COL12A1: variants seen among roughly 807,000 people sequenced by gnomAD.
The protein encoded by COL12A1 is collagen type XII alpha 1 chain.
Under a neutral mutation model 349.7 loss-of-function variants are expected in COL12A1, and 114 were observed. That is an observed-to-expected ratio of 0.33 (90% CI 0.28 to 0.38). COL12A1 has a LOEUF of 0.38. Among genes scored for constraint, COL12A1 ranks in the 10% least tolerant of loss-of-function variants. The probability of loss-of-function intolerance (pLI) is 1.00; values close to 1 mark genes in which losing one functional copy is unlikely to be tolerated. For synonymous variants in COL12A1, 1,369 were observed against 1,329.0 expected (o/e 1.03, Z -0.66); for missense variants, 3,284 against 3,756.9 (o/e 0.87, Z 3.29).
chr6:75,188,025 T>TAATTAAAGCAAGGTAATTAAA (rs1769725766), intron 8 of COL12A1, among the ~76,000 whole-genome samples: 1 of 152,008 alleles, frequency 6.6e-6, no homozygotes, highest in African/African-American at 2.4e-5. Context: ...TAAATCAGAG[T>TAATTAAAGCAAGGTAATTAAA]GCAAGGTAAT....
intron 47 of COL12A1, among the ~76,000 whole-genome samples, chr6:75,116,831 C>A (rs1769107434): frequency 6.6e-6 from 1 of 152,060 alleles, no homozygotes; most frequent in Admixed American, 6.6e-5. Flanking sequence ...CCTCCATAAC[C>A]TATACCCCAA....
chr6:75,116,155 G>C, intron 47 of COL12A1, 98 bp from the exon 48 acceptor site: 1 of 1,134,154 alleles, frequency 8.8e-7, no homozygotes. Context: ...AGTAATAAAT[G>C]ACATTGTTCA....
intron 13 of COL12A1, 143 bp downstream of exon 13, chr6:75,174,895 T>C: frequency 2.1e-6 from 2 of 956,128 alleles, no homozygotes; most frequent in South Asian, 3.4e-5. Flanking sequence ...GAGAGCTTTA[T>C]GGTTATTTGT....
At chr6:75,129,302 G>A (rs1766181021) in intron 37 of COL12A1, among the ~76,000 whole-genome samples, 1 of 152,184 alleles carries the variant, frequency 6.6e-6, no homozygotes, top group Non-Finnish European at 1.5e-5. Context: ...TCAAGTTCCA[G>A]TAGATGAAAT....
In COL12A1 at chr6:75,183,152, A is replaced by G. The variant is rs986123579; in HGVS notation, c.1789T>C (p.Phe597Leu). The G allele has an allele frequency of 6.2e-7, 1 of 1,614,170 alleles. No individual in the cohort carries two copies. The highest frequency in any genetic ancestry group is 8.5e-7 in the Non-Finnish European group (1 of 1,180,026). ...AAAGCATCAAAATCTTCCACTGTGA[A>G]CACATGGGTCTCTGCAGGAGGAGAG... ...IASPPAETHV[F>L]TVEDFDAFQR... Residue 597 changes from phenylalanine to leucine, a missense_variant, in exon 10 of 66, where the codon TTC becomes CTC. Around this residue, in one of 2 missense-constraint regions of COL12A1, gnomAD observed 2,601 missense variants for 2,824.8 expected, o/e 0.92. Transcript: ENST00000322507.
intron 53 of COL12A1, 40 bp from the exon 54 acceptor site, chr6:75,105,332 G>A: frequency 6.6e-7 from 1 of 1,518,778 alleles, no homozygotes; most frequent in Non-Finnish European, 9.1e-7. Flanking sequence ...AAATTTAGAG[G>A]AAAAAAATGA....
intron 32 of COL12A1, among the ~76,000 whole-genome samples, chr6:75,134,251 AG>A (rs1011023556): frequency 3.9e-5 from 6 of 152,266 alleles, no homozygotes; most frequent in African/African-American, 1.4e-4. Context: ...AACAGAGACA[AG>A]TAATTCCAAG....
chr6:75,172,248 C>G (rs1768675549), intron 13 of COL12A1, among the ~76,000 whole-genome samples: 1 of 152,068 alleles, frequency 6.6e-6, no homozygotes, highest in South Asian at 2.1e-4. Flanking sequence ...AAAATCACAG[C>G]CTAGTAGAAT....
intron 19 of COL12A1, 21 bp from the exon 20 acceptor site, chr6:75,152,052 G>A: frequency 6.2e-7 from 1 of 1,613,744 alleles, no homozygotes; most frequent in South Asian, 1.1e-5. Context: ...TTTTAAAAGA[G>A]AATCAGTCAC....
chr6:75,189,668 A>G lies in COL12A1; in HGVS notation c.542T>C (p.Val181Ala), dbSNP rs923343697. The G allele has an allele frequency of 1.2e-6, 2 of 1,613,234 alleles. No homozygotes were observed. The highest frequency in any genetic ancestry group is 1.3e-5 in the African/African-American group (1 of 74,840). ...CCTGGTATCAGAGCTGTATTGAACA[A>G]CTCCAACTCTTGTCTTCTCTTCCCC... ...DIGEEKTRVG[V>A]VQYSSDTRTE... Residue 181 changes from valine (V) to alanine (A), a missense_variant, in exon 6 of 66, where the codon GTT (valine) becomes GCT (alanine). By Grantham distance (64) the Val-to-Ala change is moderately conservative. This residue lies in a region of COL12A1 where 2,601 missense variants were observed against 2,824.8 expected (regional missense o/e 0.92). Transcript: ENST00000322507.
Position 75,130,082 on chromosome 6 carries a change from C to G in COL12A1, c.6210+9G>C, listed in dbSNP as rs1766226686. 1 of 1,611,588 alleles carries G rather than the reference C, an allele frequency of 6.2e-7. No individual in the cohort carries two copies. ...ATAAAATGTGCCAATAAATGAGTAT[C>G]AGACTTACATATTCATCAATTGGAT... On this transcript the variant is annotated intron_variant, in intron 37 of 65. Coordinates refer to ENST00000322507, the MANE Select transcript of COL12A1 (RefSeq NM_004370.6).
At chr6:75,178,006 A>G in intron 11 of COL12A1, 71 bp from the exon 12 acceptor site, 1 of 1,388,940 alleles carries the variant, frequency 7.2e-7, no homozygotes, top group Non-Finnish European at 9.7e-7. Context: ...TACAAAAATT[A>G]CCTTTTTATT....
chr6:75,121,144 T>C (rs1246521443), intron 44 of COL12A1, among the ~76,000 whole-genome samples, 158 bp downstream of exon 44: 1 of 152,326 alleles, frequency 6.6e-6, no homozygotes, highest in African/African-American at 2.4e-5. Flanking sequence ...TTATCATTTA[T>C]ACCCAATTCC....
At chr6:75,201,984 C>T (rs1421997968) in intron 2 of COL12A1, among the ~76,000 whole-genome samples, 3 of 152,226 alleles carry the variant, frequency 2.0e-5, no homozygotes, top group East Asian at 1.9e-4. Flanking sequence ...AGGTGGTGCC[C>T]AGCAACTCCG....
At chr6:75,182,977 T>C in intron 10 of COL12A1, 73 bp downstream of exon 10, 3 of 1,497,810 alleles carry the variant, frequency 2.0e-6, no homozygotes, top group Non-Finnish European at 2.7e-6. Context: ...TGAACAAGCA[T>C]ATTATCCACA....
At chr6:75,096,899 A>C (rs987210739) in intron 59 of COL12A1, among the ~76,000 whole-genome samples, 134 of 139,244 alleles carry the variant, frequency 9.6e-4, no homozygotes, top group African/African-American at 3.8e-3. Flanking sequence ...CCGTCTCAAA[A>C]AAAAAAAAAA....
At chr6:75,138,367 C>T (rs1562201082) in intron 29 of COL12A1, 27 bp from the exon 30 acceptor site, 2 of 1,610,472 alleles carry the variant, frequency 1.2e-6, no homozygotes, top group Non-Finnish European at 8.5e-7. Flanking sequence ...TTTGGGAACA[C>T]ATTACTAATA....
At chr6:75,199,963 C>T (rs1032605314) in intron 2 of COL12A1, among the ~76,000 whole-genome samples, 11 of 151,918 alleles carry the variant, frequency 7.2e-5, no homozygotes, top group African/African-American at 9.7e-5. Flanking sequence ...ACATTAAGGT[C>T]ATAGAAAATG....
chr6:75,135,966 C>T (rs766544981), intron 31 of COL12A1, among the ~76,000 whole-genome samples: 1 of 152,196 alleles, frequency 6.6e-6, no homozygotes, highest in Non-Finnish European at 1.5e-5. Context: ...ATCAGTTATT[C>T]ATCATTTTCA....
Sources: gnomAD v4.1 joint callset for allele counts (sites outside exome capture counted in the v4.1 genomes callset) on GRCh38, gnomAD v4.1.1 for gene constraint, gnomAD v4.1.1 regional missense constraint, MANE v1.5 for transcripts, NCBI Gene and HGNC (gene_info 2026-07-23, HGNC 2026-07-21) for gene names.